Variants in MYT1L observed in about 807,000 individuals in gnomAD.
MYT1L encodes myelin transcription factor 1 like, also known as myelin transcription factor 1-like protein.
Under a neutral mutation model 126.7 loss-of-function variants are expected in MYT1L, and 12 were observed. The observed-to-expected ratio is 0.09, with a 90% CI of 0.06 to 0.15. The LOEUF is 0.15. Among genes scored for constraint, MYT1L ranks in the 10% least tolerant of loss-of-function variants. The pLI is 1.00. For synonymous variants in MYT1L, 541 were observed against 604.2 expected (o/e 0.90, Z 1.53); for missense variants, 979 against 1,585.2 (o/e 0.62, Z 6.49).
intron 3 of MYT1L, among the ~76,000 whole-genome samples, chr2:2,125,757 TGAAAG>T (rs1162222390): frequency 3.3e-5 from 5 of 152,208 alleles, no homozygotes; most frequent in African/African-American, 4.8e-5. Context: ...GGAAAAAAAA[TGAAAG>T]GAAAGAGTAG....
intron 4 of MYT1L, among the ~76,000 whole-genome samples, chr2:2,045,944 G>A (rs1445515014): frequency 6.6e-6 from 1 of 152,146 alleles, no homozygotes; most frequent in Non-Finnish European, 1.5e-5. Context: ...CTGACCTGCT[G>A]TGGGGTCCTT....
At chr2:2,008,116 T>C (rs1244669705) in intron 4 of MYT1L, among the ~76,000 whole-genome samples, 1 of 152,212 alleles carries the variant, frequency 6.6e-6, no homozygotes, top group Non-Finnish European at 1.5e-5. Context: ...CTGTCACTCC[T>C]GTGGCCCCAC....
At chr2:1,845,855 G>A (rs1311882530) in intron 19 of MYT1L, among the ~76,000 whole-genome samples, 3 of 152,174 alleles carry the variant, frequency 2.0e-5, no homozygotes, top group Admixed American at 1.3e-4. Flanking sequence ...AATGTGCATT[G>A]ATGTTGGTGT....
rs572083671 is a variant in MYT1L, at chr2:2,273,071, C to T, written c.-421+11333G>A. Among the ~76,000 whole-genome samples, 429 of 152,268 alleles carry T rather than the reference C, an allele frequency of 2.8e-3. 1 individual carries two copies. Among genetic ancestry groups the T allele is most frequent in the African/African-American group, 9.6e-3 (400 of 41,554 alleles). On this transcript the variant is annotated intron_variant, in intron 2 of 24. Transcript: ENST00000647738. ...CTTCCGGGCCCCTTGCTGTCTCTCA[C>T]GGAATCCAAAGCCTGGCTTTGTGTC...
At chr2:2,220,099 C>T (rs183235972) in intron 2 of MYT1L, among the ~76,000 whole-genome samples, 19 of 152,090 alleles carry the variant, frequency 1.2e-4, no homozygotes, top group East Asian at 9.7e-4. Flanking sequence ...TTTCTGTCCA[C>T]GAAAAGAGTC....
chr2:1,909,054 A>C (rs1342948401), intron 13 of MYT1L, among the ~76,000 whole-genome samples: 1 of 152,240 alleles, frequency 6.6e-6, no homozygotes, highest in Non-Finnish European at 1.5e-5. Context: ...ATACTCAAGA[A>C]CAAAAAGGAT....
At chr2:2,026,912 G>A (rs978532164) in intron 4 of MYT1L, among the ~76,000 whole-genome samples, 2 of 152,106 alleles carry the variant, frequency 1.3e-5, no homozygotes, top group African/African-American at 4.8e-5. Flanking sequence ...CTGGGGCCAC[G>A]GGGTGCTTTT....
At chr2:1,968,511 C>A (rs563747844) in intron 8 of MYT1L, among the ~76,000 whole-genome samples, 3 of 152,184 alleles carry the variant, frequency 2.0e-5, no homozygotes, top group Non-Finnish European at 4.4e-5. Context: ...ATAATATTCA[C>A]GGCCCTGCAG....
At chr2:2,106,710 G>C (rs2078809024) in intron 3 of MYT1L, among the ~76,000 whole-genome samples, 1 of 152,204 alleles carries the variant, frequency 6.6e-6, no homozygotes, top group Admixed American at 6.5e-5. Context: ...TTGAACACCA[G>C]ACACAAGCAT....
chr2:2,027,516 G>A (rs2065774107), intron 4 of MYT1L, among the ~76,000 whole-genome samples: 1 of 152,216 alleles, frequency 6.6e-6, no homozygotes, highest in Non-Finnish European at 1.5e-5. Context: ...AAGCCAACGT[G>A]TAGAATAGCG....
In MYT1L at chr2:2,026,955, A is replaced by C. The variant is rs1358317662; in HGVS notation, c.-158+27023T>G. 2.6e-5 allele frequency among the ~76,000 whole-genome samples: 4 copies of C among 152,096 alleles called. No homozygotes were observed. The East Asian group carries it at 7.7e-4, about 29-fold the overall frequency. ...TGTGGGGCCCCGTCACGACCAGCGG[A>C]GCCCACAGGACAAAGCTCAAGAGCC... On this transcript the variant is annotated intron_variant, in intron 4 of 24. Coordinates refer to ENST00000647738, the MANE Select transcript of MYT1L (RefSeq NM_001303052.2).
At chr2:2,227,672 C>A (rs545892181) in intron 2 of MYT1L, among the ~76,000 whole-genome samples, 9 of 152,142 alleles carry the variant, frequency 5.9e-5, no homozygotes, top group African/African-American at 1.9e-4. Flanking sequence ...GCAAAAAACT[C>A]TTTCTTTTTG....
At chr2:1,872,709 C>G (rs2046415983) in intron 18 of MYT1L, among the ~76,000 whole-genome samples, 1 of 152,206 alleles carries the variant, frequency 6.6e-6, no homozygotes, top group Non-Finnish European at 1.5e-5. Context: ...CATGCCCTCC[C>G]TCCTCCACAG....
chr2:2,048,081 T>C (rs1024049956), intron 4 of MYT1L, among the ~76,000 whole-genome samples: 3 of 152,114 alleles, frequency 2.0e-5, no homozygotes, highest in East Asian at 1.9e-4. Context: ...ATGCAGACAC[T>C]GTGCACCAAG....
chr2:2,245,654 G>C (rs1012799348), intron 2 of MYT1L, among the ~76,000 whole-genome samples: 1 of 151,792 alleles, frequency 6.6e-6, no homozygotes, highest in South Asian at 2.1e-4. Context: ...TCTTGGAGTA[G>C]GCTAGAGCTG....
At chr2:2,143,379 T>A (rs116152797) in intron 3 of MYT1L, among the ~76,000 whole-genome samples, 1 of 151,772 alleles carries the variant, frequency 6.6e-6, no homozygotes, top group Non-Finnish European at 1.5e-5. Context: ...CGGAGGAGGC[T>A]GTGCCTGGGG....
chr2:2,011,032 T>A (rs72767337), intron 4 of MYT1L, among the ~76,000 whole-genome samples: 1 of 152,132 alleles, frequency 6.6e-6, no homozygotes, highest in East Asian at 1.9e-4. Flanking sequence ...CATGTCCCTA[T>A]CTCACACTGT....
intron 9 of MYT1L, among the ~76,000 whole-genome samples, chr2:1,930,612 G>A (rs1188202634): frequency 3.3e-5 from 5 of 152,158 alleles, no homozygotes; most frequent in East Asian, 1.9e-4. Flanking sequence ...AGGGCACAGC[G>A]CTGGGCTGCT....
intron 2 of MYT1L, among the ~76,000 whole-genome samples, chr2:2,269,889 C>T (rs979986316): frequency 6.6e-6 from 1 of 152,190 alleles, no homozygotes; most frequent in African/African-American, 2.4e-5. Context: ...ATCATACAGT[C>T]CTTTATCTCT....
Sources: gnomAD v4.1 joint callset for allele counts (sites outside exome capture counted in the v4.1 genomes callset) on GRCh38, gnomAD v4.1.1 for gene constraint, MANE v1.5 for transcripts, NCBI Gene and HGNC (gene_info 2026-07-23, HGNC 2026-07-21) for gene names.